DIS3L2: variants seen among roughly 807,000 people sequenced by gnomAD.
The protein encoded by DIS3L2 is DIS3-like exonuclease 2.
DIS3L2 carries 34 observed loss-of-function variants against 97.5 expected under a neutral mutation model. The ratio of observed to expected loss-of-function variants is 0.35; its 90% CI spans 0.27 to 0.46. The LOEUF (loss-of-function observed/expected upper bound fraction) is 0.46, where lower values mean the gene tolerates loss of function less well. DIS3L2 is among the 20% of genes least tolerant of loss of function. The probability of loss-of-function intolerance (pLI) is 1.00; values close to 1 mark genes in which losing one functional copy is unlikely to be tolerated. For synonymous variants in DIS3L2, 435 were observed against 445.2 expected, an observed-to-expected ratio of 0.98 and a Z score of 0.29; for missense variants, 1,038 against 1,146.0, an observed-to-expected ratio of 0.91 and a Z score of 1.36.
At chr2:232,255,962 A>AC (rs1210316265) in intron 12 of DIS3L2, among the ~76,000 whole-genome samples, 1 of 152,104 alleles carries the variant, frequency 6.6e-6, no homozygotes, top group African/African-American at 2.4e-5. Flanking sequence ...ACCGGCACTA[A>AC]TACCTGCGTC....
chr2:232,239,346 C>T (rs894355864), intron 11 of DIS3L2, among the ~76,000 whole-genome samples: 1 of 152,124 alleles, frequency 6.6e-6, no homozygotes, highest in South Asian at 2.1e-4. Context: ...TATTGAGCAC[C>T]AATTATCTGA....
At chr2:232,318,848 T>G (rs1308303421) in intron 14 of DIS3L2, among the ~76,000 whole-genome samples, 1 of 152,210 alleles carries the variant, frequency 6.6e-6, no homozygotes, top group African/African-American at 2.4e-5. Flanking sequence ...CTTGTTGGAA[T>G]GAGGAGGAAT....
chr2:232,075,930 T>A (rs539074247), intron 5 of DIS3L2, among the ~76,000 whole-genome samples: 11 of 152,320 alleles, frequency 7.2e-5, no homozygotes, highest in African/African-American at 2.4e-4. Flanking sequence ...TAGACACTCT[T>A]GTCCCCATTT....
intron 8 of DIS3L2, among the ~76,000 whole-genome samples, chr2:232,144,151 A>T (rs867372394): frequency 5.3e-5 from 8 of 152,264 alleles, no homozygotes; most frequent in Middle Eastern, 3.4e-3. Context: ...CTCATTAACT[A>T]AAGTTTTTCT....
At chr2:232,265,415 C>T (rs1479979243) in intron 13 of DIS3L2, among the ~76,000 whole-genome samples, 1 of 152,224 alleles carries the variant, frequency 6.6e-6, no homozygotes, top group Non-Finnish European at 1.5e-5. Flanking sequence ...TGGCCTCCCT[C>T]CCCCAGCTCT....
intron 9 of DIS3L2, among the ~76,000 whole-genome samples, chr2:232,165,869 T>C (rs1690790581): frequency 6.6e-6 from 1 of 152,246 alleles, no homozygotes; most frequent in Non-Finnish European, 1.5e-5. Flanking sequence ...TAAAAAATTA[T>C]AAATGTGAAA....
At chr2:232,270,846 G>A (rs55790591) in intron 13 of DIS3L2, among the ~76,000 whole-genome samples, 2,004 of 145,366 alleles carry the variant, frequency 0.014, 18 homozygotes, top group Non-Finnish European at 0.018. Flanking sequence ...GCACTCGCGC[G>A]CTCTCTTTTT....
intron 13 of DIS3L2, among the ~76,000 whole-genome samples, chr2:232,280,225 G>T (rs978947611): frequency 1.3e-5 from 2 of 152,214 alleles, no homozygotes; most frequent in Non-Finnish European, 2.9e-5. Context: ...GGTCCTAGGA[G>T]CCTTGCCAGG....
chr2:232,181,461 T>C (rs60814881), intron 9 of DIS3L2, among the ~76,000 whole-genome samples: 9,829 of 152,116 alleles, frequency 0.065, 1,100 homozygotes, highest in East Asian at 0.51. Context: ...CAATGAGACG[T>C]AGATTTGGTC....
At chr2:232,321,574 G>A (rs944712585) in intron 14 of DIS3L2, among the ~76,000 whole-genome samples, 6 of 152,280 alleles carry the variant, frequency 3.9e-5, no homozygotes, top group Admixed American at 2.0e-4. Flanking sequence ...TGGGAGGAGC[G>A]TCAGCAAAGG....
At chr2:232,339,379 A>C (rs1696058648), downstream of DIS3L2, among the ~76,000 whole-genome samples, 1 of 152,162 alleles carries the variant, frequency 6.6e-6, no homozygotes, top group Non-Finnish European at 1.5e-5. Flanking sequence ...GGAGGCAGGA[A>C]GTGGGAGGCC....
Position 232,325,687 on chromosome 2 carries a change from G to A in DIS3L2, c.1740-4126G>A, listed in dbSNP as rs73092143. Among the ~76,000 whole-genome samples the A allele has an allele frequency of 0.042, 6,343 of 152,292 alleles. 175 individuals carry two copies. The highest frequency in any genetic ancestry group is 0.07 in the African/African-American group (2,906 of 41,564). On this transcript the variant is annotated intron_variant, in intron 14 of 20. Coordinates refer to ENST00000325385, the MANE Select transcript of DIS3L2 (RefSeq NM_152383.5). This position sits in a 1 kb window ranked among gnomAD's most constrained non-coding sequence, Gnocchi z 4.6. ...TGCCAGGCCTGGATCCAAGGCCCCC[G>A]TCTCCGAGGCCTTAGCTTGCTGTTC...
chr2:232,341,134 C>A, downstream of DIS3L2: 1 of 361,466 alleles, frequency 2.8e-6, no homozygotes, highest in Non-Finnish European at 5.4e-6. Context: ...TCAACAGATA[C>A]ATGTCCCTCG....
intron 13 of DIS3L2, among the ~76,000 whole-genome samples, chr2:232,280,001 A>G (rs1449681115): frequency 6.6e-6 from 1 of 152,156 alleles, no homozygotes; most frequent in Non-Finnish European, 1.5e-5. Context: ...ATGAAGTCCA[A>G]TTTATCAATC....
chr2:232,329,785 T>TCCCGGGGGGGGCA, intron 14 of DIS3L2, 28 bp from the exon 15 acceptor site: 1 of 967,142 alleles, frequency 1.0e-6, no homozygotes, highest in Non-Finnish European at 1.5e-6. Flanking sequence ...ACCCCAGCGG[T>TCCCGGGGGGGGCA]CCCTCCCATC....
At chr2:232,329,613 A>G (rs1695672482) in intron 14 of DIS3L2, 200 bp from the exon 15 acceptor site, 1 of 501,230 alleles carries the variant, frequency 2.0e-6, no homozygotes, top group Non-Finnish European at 3.4e-6. Context: ...GGTGTAGACC[A>G]ACTGGTGCAG....
chr2:232,140,902 G>C (rs920647495), intron 8 of DIS3L2, among the ~76,000 whole-genome samples: 5 of 152,146 alleles, frequency 3.3e-5, no homozygotes, highest in African/African-American at 4.8e-5. Flanking sequence ...ACATTTTTAT[G>C]AATCTTGTTC....
chr2:232,343,220 T>C, intron 13 of DIS3L2: 2 of 774,248 alleles, frequency 2.6e-6, no homozygotes, highest in East Asian at 2.5e-5. Context: ...AAAAAGGCCA[T>C]GCTGTATCTT....
At chr2:232,252,992 A>G (rs898510568) in intron 12 of DIS3L2, among the ~76,000 whole-genome samples, 5 of 152,148 alleles carry the variant, frequency 3.3e-5, no homozygotes, top group African/African-American at 9.7e-5. Context: ...TCCCCAAAAT[A>G]CCCAAGTCTA....
Sources: allele counts gnomAD v4.1 joint callset (sites outside exome capture counted in the v4.1 genomes callset), GRCh38; gene constraint gnomAD v4.1.1; non-coding constraint Gnocchi (gnomAD v3.1); transcripts MANE v1.5; gene names NCBI Gene and HGNC (gene_info 2026-07-23, HGNC 2026-07-21).